The following PRKCH variants were observed in gnomAD, a reference collection of about 807,000 sequenced individuals.
PRKCH encodes protein kinase C eta, also known as protein kinase C eta type.
Under a neutral mutation model 82.5 loss-of-function variants are expected in PRKCH, and 28 were observed. The observed-to-expected ratio is 0.34, with a 90% CI of 0.25 to 0.47. The LOEUF is 0.47. PRKCH is among the 20% of genes least tolerant of loss of function. PRKCH has a pLI of 1.00. For synonymous variants in PRKCH, 322 were observed against 327.4 expected (o/e 0.98, Z 0.18); for missense variants, 705 against 881.8 (o/e 0.80, Z 2.54).
chr14:61,221,274 C>T (rs2044654184), intron 1 of PRKCH, among the ~76,000 whole-genome samples: 2 of 152,106 alleles, frequency 1.3e-5, no homozygotes, highest in Admixed American at 1.3e-4. Context: ...TGGAACTTGT[C>T]TTTGGAGGCT....
chr14:61,247,509 G>C (rs545228279), intron 1 of PRKCH, among the ~76,000 whole-genome samples: 1 of 152,088 alleles, frequency 6.6e-6, no homozygotes, highest in East Asian at 1.9e-4. Context: ...GCCGAGGTGG[G>C]CAGATCACCT....
intron 10 of PRKCH, among the ~76,000 whole-genome samples, chr14:61,493,368 C>A (rs374697099): frequency 6.6e-5 from 10 of 152,262 alleles, no homozygotes; most frequent in African/African-American, 1.9e-4. Flanking sequence ...TATTCCAATT[C>A]CATGTAGTAA....
intron 1 of PRKCH, among the ~76,000 whole-genome samples, chr14:61,236,068 G>A (rs2044785383): frequency 6.6e-6 from 1 of 152,090 alleles, no homozygotes; most frequent in South Asian, 2.1e-4. Flanking sequence ...GAGATCTTAA[G>A]ACTTTGTAGC....
At chr14:61,367,360 A>ATGTG (rs35762429) in intron 1 of PRKCH, among the ~76,000 whole-genome samples, 18,196 of 144,872 alleles carry the variant, frequency 0.13, 1,221 homozygotes, top group African/African-American at 0.18. Flanking sequence ...GTGTGTGTGT[A>ATGTG]TGTGTGTGTG....
intron 2 of PRKCH, among the ~76,000 whole-genome samples, chr14:61,435,254 G>C (rs576552347): frequency 2.6e-5 from 4 of 152,068 alleles, no homozygotes; most frequent in African/African-American, 9.7e-5. Context: ...GTTCCTTCCC[G>C]AATAAACTAC....
chr14:61,210,156 ATATAT>A lies in PRKCH; in HGVS notation c.-19+22489_-19+22493del, dbSNP rs1566781734. On this transcript the variant is annotated intron_variant, in intron 1 of 3. Coordinates refer to the PRKCH transcript ENST00000555185. ...TATATATATATATATATATATATAT[ATATAT>A]AAATTAGCTTGGCATAGTGGCAGGC... Among the ~76,000 whole-genome samples the A allele has an allele frequency of 4.9e-3, 510 of 103,394 alleles. 12 individuals are homozygous for A. Among genetic ancestry groups the A allele is most frequent in the African/African-American group, 0.011 (300 of 26,112 alleles). The allele number at this position is 103,394 out of a possible 152,430, so 67.8% of individuals were successfully genotyped here. A position where few individuals can be genotyped will look rare whatever the true frequency, so the allele number is the denominator to read the frequency against.
intron 1 of PRKCH, among the ~76,000 whole-genome samples, chr14:61,248,496 A>G (rs2044907302): frequency 6.6e-6 from 1 of 152,116 alleles, no homozygotes; most frequent in African/African-American, 2.4e-5. Context: ...TGGCCCTCAG[A>G]CTTCATACCA....
intron 5 of PRKCH, among the ~76,000 whole-genome samples, chr14:61,450,470 A>G (rs1424875055): frequency 1.3e-5 from 2 of 152,206 alleles, no homozygotes; most frequent in East Asian, 1.9e-4. Context: ...GCAAGTATAT[A>G]TAGTGTATAA....
At chr14:61,496,237 C>T (rs1292333071) in intron 10 of PRKCH, among the ~76,000 whole-genome samples, 2 of 152,198 alleles carry the variant, frequency 1.3e-5, no homozygotes. Context: ...ATTGTATCTT[C>T]TGTATGACAG....
chr14:61,503,064 G>A (rs1278417931), intron 10 of PRKCH, among the ~76,000 whole-genome samples: 1 of 148,982 alleles, frequency 6.7e-6, no homozygotes, highest in Non-Finnish European at 1.5e-5. Context: ...ATATACTGTG[G>A]CGGTGAAATC....
At chr14:61,511,735 C>T (rs764421888) in intron 10 of PRKCH, among the ~76,000 whole-genome samples, 54 of 152,194 alleles carry the variant, frequency 3.5e-4, no homozygotes, top group Non-Finnish European at 6.6e-4. Context: ...TGCTTCCTGG[C>T]GCTTGTGACC....
chr14:61,434,523 A>G (rs1224493741), intron 2 of PRKCH, among the ~76,000 whole-genome samples: 1 of 152,238 alleles, frequency 6.6e-6, no homozygotes, highest in Non-Finnish European at 1.5e-5. Flanking sequence ...TCAATAGAGG[A>G]AAATGAAATA....
At chr14:61,340,690 G>A (rs908604592) in intron 1 of PRKCH, among the ~76,000 whole-genome samples, 4 of 152,146 alleles carry the variant, frequency 2.6e-5, no homozygotes, top group African/African-American at 9.7e-5. Context: ...TCAGGTCCAG[G>A]GTCCCATGTC....
intron 2 of PRKCH, among the ~76,000 whole-genome samples, chr14:61,422,541 G>T (rs573326033): frequency 6.6e-6 from 1 of 152,172 alleles, no homozygotes; most frequent in African/African-American, 2.4e-5. Context: ...TGCTGCTTAG[G>T]CTTTAGGTTC....
At chr14:61,528,955 C>T (rs2463117) in intron 10 of PRKCH, 120 bp from the exon 11 acceptor site, 725,845 of 917,796 alleles carry the variant, frequency 0.79, 296,049 homozygotes, top group Non-Finnish European at 0.84. Context: ...GAAGCTCATG[C>T]GGCCGCATGT....
rs148250386 is a variant in PRKCH at position 61,414,723 on chromosome 14, C to G, written c.427+23435C>G. On this transcript the variant is annotated intron_variant, in intron 2 of 13. Transcript: ENST00000332981. ...CTTGAACTCCTAACCTCGTGATCCG[C>G]CTGCCTCAGCCTCCCAAAGTGCTGG... Among the ~76,000 whole-genome samples, 514 of 152,068 alleles carry G rather than the reference C, an allele frequency of 3.4e-3. 3 individuals are homozygous for G. The highest frequency in any genetic ancestry group is 0.011 in the African/African-American group (450 of 41,458).
intron 1 of PRKCH, among the ~76,000 whole-genome samples, chr14:61,386,717 A>G (rs921051496): frequency 2.6e-5 from 4 of 152,242 alleles, no homozygotes; most frequent in African/African-American, 4.8e-5. Flanking sequence ...GTAGGACTTC[A>G]TAAAAGTTGC....
chr14:61,230,249 C>T (rs188973170), intron 1 of PRKCH, among the ~76,000 whole-genome samples: 1 of 152,292 alleles, frequency 6.6e-6, no homozygotes, highest in East Asian at 1.9e-4. Flanking sequence ...TGTCTTTCAC[C>T]TCATTCGGAC....
At chr14:61,395,292 C>CCT (rs1555383080) in intron 2 of PRKCH, among the ~76,000 whole-genome samples, 2 of 130,850 alleles carry the variant, frequency 1.5e-5, no homozygotes, top group Non-Finnish European at 3.3e-5. Context: ...GAAATGGAGC[C>CCT]CCCCCCCGCA....
Sources: gnomAD v4.1 joint callset for allele counts (sites outside exome capture counted in the v4.1 genomes callset) on GRCh38, gnomAD v4.1.1 for gene constraint, MANE v1.5 for transcripts, NCBI Gene and HGNC (gene_info 2026-07-23, HGNC 2026-07-21) for gene names.